The following ALDH2 variants were observed in gnomAD, a reference collection of about 807,000 sequenced individuals.
ALDH2 encodes the protein aldehyde dehydrogenase 2 family member.
ALDH2 carries 44 observed loss-of-function variants against 59.6 expected under a neutral mutation model. The ratio of observed to expected loss-of-function variants is 0.74; its 90% confidence interval spans 0.58 to 0.95. ALDH2 has a LOEUF of 0.95. Among genes scored for constraint, ALDH2 ranks in the 40% least tolerant of loss-of-function variants. The pLI, the probability that ALDH2 is intolerant of heterozygous loss-of-function variation, is 0.00. For missense variants in ALDH2, 570 were observed against 696.3 expected (o/e 0.82, Z 2.04); for synonymous variants, 291 against 284.0 (o/e 1.02, Z -0.25).
At chr12:111,808,811 A>T (rs1177233975) in intron 12 of ALDH2, among the ~76,000 whole-genome samples, 1 of 152,058 alleles carries the variant, frequency 6.6e-6, no homozygotes, top group Non-Finnish European at 1.5e-5. Flanking sequence ...AAGGAGAAAG[A>T]TGGTGGTTTG....
intron 1 of ALDH2, among the ~76,000 whole-genome samples, chr12:111,767,585 C>T (rs1167700513): frequency 2.6e-5 from 4 of 152,158 alleles, no homozygotes; most frequent in African/African-American, 9.7e-5. Context: ...TCACCATGGG[C>T]GAGGCCACGC....
intron 4 of ALDH2, among the ~76,000 whole-genome samples, chr12:111,788,165 G>A (rs557021359): frequency 1.1e-4 from 16 of 152,170 alleles, no homozygotes; most frequent in Non-Finnish European, 1.8e-4. Context: ...AGCTGAGATC[G>A]CGCCACTGCA....
At chr12:111,785,125 A>G in intron 3 of ALDH2, 142 bp from the exon 4 acceptor site, 1 of 729,098 alleles carries the variant, frequency 1.4e-6, no homozygotes, top group East Asian at 2.5e-5. Flanking sequence ...CAGAGATGCT[A>G]GTGACATTTG....
Position 111,789,772 on chromosome 12 carries a change from A to G in ALDH2, c.441-51A>G, listed in dbSNP as rs768251860. The G allele has an allele frequency of 9.5e-6, 14 of 1,476,466 alleles. No homozygotes were observed. In the African/African-American group the frequency reaches 1.2e-4, roughly 13 times the overall value. 91.5% of individuals were successfully genotyped at this position (1,476,466 alleles called of 1,614,324 possible). A position where few individuals can be genotyped will look rare whatever the true frequency, so the allele number is the denominator to read the frequency against. ...GTCTTCTCTTTCTGCCAGGGTTTGC[A>G]GGGGTCCCTGACAATCATTGATTCG... is the stretch of plus-strand genomic sequence containing the variant. On this transcript the variant is annotated intron_variant, in intron 4 of 12. Coordinates refer to ENST00000261733, the MANE Select transcript of ALDH2 (RefSeq NM_000690.4).
chr12:111,781,962 A>G lies in ALDH2; in HGVS notation c.159A>G (p.Thr53=). ...NEWHDAVSRK[T]FPTVNPSTGE... ...GGCACGATGCCGTCAGCAGGAAAAC[A>G]TTCCCCACCGTCAATCCGTCCACTG... is the stretch of plus-strand genomic sequence containing the variant. Residue 53 remains threonine (T), a synonymous_variant, in exon 2 of 13, where the codon ACA becomes ACG. Coordinates refer to ENST00000261733, the MANE Select transcript of ALDH2 (RefSeq NM_000690.4). The G allele has an allele frequency of 6.2e-7, 1 of 1,613,980 alleles. No individual in the cohort carries two copies. The highest frequency in any genetic ancestry group is 8.5e-7 in the Non-Finnish European group (1 of 1,179,960).
intron 6 of ALDH2, 71 bp from the exon 7 acceptor site, chr12:111,791,235 G>A (rs2068356241): frequency 8.7e-7 from 1 of 1,154,244 alleles, no homozygotes; most frequent in African/African-American, 1.5e-5. Context: ...GAGAAAGGAT[G>A]TGTCTTCCCC....
At chr12:111,772,858 A>G (rs1324899968) in intron 1 of ALDH2, among the ~76,000 whole-genome samples, 3 of 151,614 alleles carry the variant, frequency 2.0e-5, no homozygotes, top group East Asian at 1.9e-4. Context: ...AAGAGCCTCT[A>G]TAGAAATAGA....
intron 9 of ALDH2, among the ~76,000 whole-genome samples, chr12:111,794,487 G>A (rs999040991): frequency 5.3e-5 from 8 of 152,044 alleles, no homozygotes; most frequent in African/African-American, 1.9e-4. Context: ...CATGGGACAG[G>A]GTTATGTGCC....
At position 111,798,195 on chromosome 12, in the gene ALDH2, A is replaced by G; in HGVS notation, c.1201A>G (p.Thr401Ala). The G allele has an allele frequency of 6.2e-7, 1 of 1,602,118 alleles. No homozygotes were observed. The highest frequency in any genetic ancestry group is 8.5e-7 in the Non-Finnish European group (1 of 1,174,090). Reference protein sequence around the residue: ...AADRGYFIQPTVFGDVQDGMT... With the variant: ...AADRGYFIQPAVFGDVQDGMT... ...TGACCGTGGTTACTTCATCCAGCCC[A>G]CTGTGTTTGGAGATGTGCAGGATGG... is the stretch of plus-strand genomic sequence containing the variant. The change falls in exon 10 of 13, where the codon ACT becomes GCT. Residue 401 changes from threonine to alanine, a missense_variant. Thr to Ala is a moderately conservative substitution (Grantham distance 58). Transcript: ENST00000261733.
Position 111,792,673 on chromosome 12 carries a change from C to A in ALDH2, c.974C>A (p.Thr325Asn), listed in dbSNP as rs763250692. ...QGQCCCAGSR[T>N]FVQEDIYDEF... ...CAGTGCTGCTGTGCCGGCTCCCGGA[C>A]CTTCGTGCAGGAGGACATCTATGAT... The change falls in exon 9 of 13, where the codon ACC (threonine) becomes AAC (asparagine). Residue 325 changes from threonine (T) to asparagine (N), a missense_variant. Physicochemically the swap from Thr to Asn is moderately conservative, Grantham distance 65. Coordinates refer to ENST00000261733, the MANE Select transcript of ALDH2 (RefSeq NM_000690.4). 6.2e-7 allele frequency: 1 copy of A among 1,610,924 alleles called. No individual in the cohort carries two copies. Among genetic ancestry groups the A allele is most frequent in the South Asian group, 1.1e-5 (1 of 90,402 alleles).
intron 10 of ALDH2, among the ~76,000 whole-genome samples, chr12:111,798,693 C>T (rs543943873): frequency 3.3e-5 from 5 of 152,220 alleles, no homozygotes; most frequent in Non-Finnish European, 1.5e-5. Flanking sequence ...CACCACCATG[C>T]CTGGCTAATT....
chr12:111,785,237 A>AT, intron 3 of ALDH2, 30 bp from the exon 4 acceptor site: 1 of 1,574,726 alleles, frequency 6.4e-7, no homozygotes, highest in Non-Finnish European at 8.7e-7. Flanking sequence ...TCCTGCACCC[A>AT]TGTCTCTGCT....
chr12:111,805,762 C>T (rs916138015), intron 12 of ALDH2, among the ~76,000 whole-genome samples: 6 of 152,268 alleles, frequency 3.9e-5, no homozygotes, highest in East Asian at 3.9e-4. Context: ...CGGTGGCTCA[C>T]GCGTATAATC....
At chr12:111,785,483 G>A in intron 4 of ALDH2, 137 bp downstream of exon 4, 1 of 732,182 alleles carries the variant, frequency 1.4e-6, no homozygotes, top group South Asian at 1.6e-5. Flanking sequence ...CAGCACTTTG[G>A]GAGGCTGAGC....
intron 1 of ALDH2, among the ~76,000 whole-genome samples, chr12:111,779,007 C>T (rs2068252683): frequency 2.0e-5 from 3 of 151,918 alleles, no homozygotes; most frequent in African/African-American, 7.2e-5. Flanking sequence ...TATAGGCACG[C>T]AACCACACCT....
chr12:111,781,983 C>T lies in ALDH2; in HGVS notation c.180C>T (p.Ser60=). 6.2e-7 allele frequency: 1 copy of T among 1,614,018 alleles called. No homozygotes were observed. The highest frequency in any genetic ancestry group is 8.5e-7 in the Non-Finnish European group (1 of 1,179,934). ...AAACATTCCCCACCGTCAATCCGTC[C>T]ACTGGAGAGGTCATCTGTCAGGTAG... is the stretch of plus-strand genomic sequence containing the variant. The part of the protein sequence containing the change: ...SRKTFPTVNP[S]TGEVICQVAE... The change falls in exon 2 of 13, where the codon TCC becomes TCT. Residue 60 remains serine (S), a synonymous_variant. Transcript: ENST00000261733.
At chr12:111,799,870 G>A (rs2068435273) in intron 10 of ALDH2, 36 bp from the exon 11 acceptor site, 6 of 1,590,410 alleles carry the variant, frequency 3.8e-6, no homozygotes, top group Non-Finnish European at 5.2e-6. Context: ...GTGCCTCCGT[G>A]TTGCCGAACC....
chr12:111,784,499 C>G (rs2068295813), intron 3 of ALDH2, among the ~76,000 whole-genome samples: 1 of 152,252 alleles, frequency 6.6e-6, no homozygotes, highest in South Asian at 2.1e-4. Flanking sequence ...TCCCCTTTGC[C>G]CAGTTGCCCC....
chr12:111,773,557 T>G (rs1387798078), intron 1 of ALDH2, among the ~76,000 whole-genome samples: 2 of 152,210 alleles, frequency 1.3e-5, no homozygotes, highest in Non-Finnish European at 2.9e-5. Context: ...CTGTCCCGTC[T>G]TGCGGGTGAG....
Sources: allele counts gnomAD v4.1 joint callset (sites outside exome capture counted in the v4.1 genomes callset), GRCh38; gene constraint gnomAD v4.1.1; transcripts MANE v1.5; gene names NCBI Gene and HGNC (gene_info 2026-07-23, HGNC 2026-07-21).